BCAP29: variants seen among roughly 807,000 people sequenced by gnomAD.
BCAP29 encodes the protein B-cell receptor-associated protein 29.
Under a neutral mutation model 31.8 loss-of-function variants are expected in BCAP29, and 34 were observed. The observed-to-expected ratio is 1.07, with a 90% confidence interval of 0.81 to 1.42. BCAP29 has a LOEUF of 1.42. Among genes scored for constraint, BCAP29 ranks in the 40% most tolerant of loss-of-function variants. The pLI is 0.00. For missense variants in BCAP29, 314 were observed against 269.2 expected (o/e 1.17, Z -1.16); for synonymous variants, 104 against 91.3 (o/e 1.14, Z -0.79).
At chr7:107,604,486 C>T (rs1309875049) in intron 6 of BCAP29, among the ~76,000 whole-genome samples, 1 of 152,130 alleles carries the variant, frequency 6.6e-6, no homozygotes, top group African/African-American at 2.4e-5. Context: ...TTTCCAGTTT[C>T]TTACAAATGA....
chr7:107,599,287 ATATATAAAT>A (rs1479554775), intron 5 of BCAP29, among the ~76,000 whole-genome samples: 290 of 45,914 alleles, frequency 6.3e-3, no homozygotes, highest in South Asian at 0.02. Flanking sequence ...TATAATTTTT[ATATATAAAT>A]TATATATAAA....
At chr7:107,605,660 A>G (rs906094984) in intron 6 of BCAP29, among the ~76,000 whole-genome samples, 7 of 152,238 alleles carry the variant, frequency 4.6e-5, no homozygotes, top group East Asian at 1.9e-4. Flanking sequence ...ATTGTGCTGT[A>G]TGGTTGAGGG....
intron 3 of BCAP29, among the ~76,000 whole-genome samples, chr7:107,589,598 C>T (rs767277967): frequency 1.6e-4 from 25 of 152,248 alleles, no homozygotes; most frequent in Non-Finnish European, 3.4e-4. Context: ...TGCCAATCAC[C>T]TCCTGCTGTG....
chr7:107,594,388 G>A (rs1809425287), intron 4 of BCAP29, among the ~76,000 whole-genome samples: 1 of 151,910 alleles, frequency 6.6e-6, no homozygotes, highest in Middle Eastern at 3.2e-3. Flanking sequence ...GGGTCTCACT[G>A]TGTTGCCCAG....
At chr7:107,595,736 A>T in intron 4 of BCAP29, 131 bp from the exon 5 acceptor site, 1 of 924,676 alleles carries the variant, frequency 1.1e-6, no homozygotes, top group Non-Finnish European at 1.6e-6. Context: ...AAAAAAGAAT[A>T]ATGGGTTCTG....
intron 7 of BCAP29, 65 bp from the exon 8 acceptor site, chr7:107,618,263 C>G: frequency 5.9e-6 from 7 of 1,194,422 alleles, no homozygotes; most frequent in Non-Finnish European, 8.1e-6. Flanking sequence ...TTTAAAAGTC[C>G]TTGTCATGTC....
chr7:107,613,463 A>G, intron 7 of BCAP29, 31 bp downstream of exon 7: 1 of 1,489,234 alleles, frequency 6.7e-7, no homozygotes, highest in East Asian at 2.3e-5. Context: ...ATGCACCTAA[A>G]TGTTTTGAAA....
intron 6 of BCAP29, among the ~76,000 whole-genome samples, chr7:107,601,894 ATG>A (rs1811246893): frequency 1.3e-5 from 2 of 152,186 alleles, no homozygotes; most frequent in Admixed American, 6.5e-5. Context: ...ACAAGAGTGT[ATG>A]TGTGCTACAC....
chr7:107,580,925 A>G (rs960697534), intron 2 of BCAP29, 61 bp downstream of exon 2: 6 of 1,311,484 alleles, frequency 4.6e-6, no homozygotes, highest in Admixed American at 5.9e-5. Context: ...TAAAATGGAA[A>G]AAGTTTTCTG....
chr7:107,621,676 C>G (rs1266744586), downstream of BCAP29: 3 of 471,374 alleles, frequency 6.4e-6, no homozygotes, highest in Non-Finnish European at 8.8e-6. Flanking sequence ...AGCACAGTGA[C>G]CACAGAGGCA....
chr7:107,608,847 A>G (rs1339157011), intron 6 of BCAP29, among the ~76,000 whole-genome samples: 2 of 152,240 alleles, frequency 1.3e-5, no homozygotes, highest in Non-Finnish European at 2.9e-5. Context: ...TTTACACACA[A>G]GTGAATTTTT....
chr7:107,623,042 T>C (rs939396819), downstream of BCAP29: 1 of 152,176 alleles, frequency 6.6e-6, no homozygotes, highest in African/African-American at 2.4e-5. Flanking sequence ...TTCTTTTTTT[T>C]CTTCCTCTGT....
In BCAP29 at chr7:107,618,327, G is replaced by C; in HGVS notation, c.691-1G>C. On this transcript the variant is annotated splice_acceptor_variant, in intron 7 of 7. Transcript: ENST00000005259. LOFTEE classifies it high-confidence loss of function. ...CATAAATCATATTTTTTTCCTTACA[G>C]GATCGTTTAGAAAGAGGCAACAAGA... 6.4e-7 allele frequency: 1 copy of C among 1,573,638 alleles called. No individual in the cohort carries two copies. The highest frequency in any genetic ancestry group is 8.6e-7 in the Non-Finnish European group (1 of 1,159,690).
intron 6 of BCAP29, among the ~76,000 whole-genome samples, chr7:107,609,575 G>A (rs1014731202): frequency 5.9e-5 from 9 of 152,124 alleles, no homozygotes; most frequent in Non-Finnish European, 1.3e-4. Context: ...TTGAAGTGAT[G>A]AATAAAACGT....
At chr7:107,616,118 GCTGTCTGACTCAGT>G (rs1180200567) in intron 7 of BCAP29, 1 of 152,236 alleles carries the variant, frequency 6.6e-6, no homozygotes, top group Non-Finnish European at 1.5e-5. Context: ...AGGCTCCCTT[GCTGTCTGACTCAGT>G]CTGGGCAGGT....
intron 6 of BCAP29, among the ~76,000 whole-genome samples, chr7:107,608,155 C>T (rs935476057): frequency 6.6e-6 from 1 of 151,254 alleles, no homozygotes; most frequent in African/African-American, 2.4e-5. Context: ...TCACTGTTCA[C>T]AGCCCACACT....
At chr7:107,580,975 C>T (rs1285669227) in intron 2 of BCAP29, 111 bp downstream of exon 2, 9 of 667,394 alleles carry the variant, frequency 1.3e-5, no homozygotes, top group Non-Finnish European at 1.9e-5. Flanking sequence ...AATAAACTCA[C>T]CTAACGAATT....
chr7:107,612,008 A>C (rs1813212480), intron 6 of BCAP29, among the ~76,000 whole-genome samples: 1 of 152,354 alleles, frequency 6.6e-6, no homozygotes, highest in East Asian at 1.9e-4. Context: ...CTGTCTAGAA[A>C]GTACTGATAC....
In BCAP29 at chr7:107,606,688, C is replaced by T. The variant is rs140284167; in HGVS notation, c.589+6183C>T. Among the ~76,000 whole-genome samples the T allele has an allele frequency of 7.9e-5, 12 of 152,198 alleles. No individual in the cohort carries two copies. In the East Asian group the frequency reaches 1.2e-3, roughly 15 times the overall value. ...GAACCAATTCTCATTAGTGTTAGAG[C>T]GTGGCTGTTTGTTTAGAACATTTAT... On this transcript the variant is annotated intron_variant, in intron 6 of 7. Coordinates refer to ENST00000005259, the MANE Select transcript of BCAP29 (RefSeq NM_018844.4).
Sources: gnomAD v4.1 joint callset for allele counts (sites outside exome capture counted in the v4.1 genomes callset) on GRCh38, gnomAD v4.1.1 for gene constraint, MANE v1.5 for transcripts, NCBI Gene and HGNC (gene_info 2026-07-23, HGNC 2026-07-21) for gene names.